ADORA1: variants seen among roughly 807,000 people sequenced by gnomAD.
ADORA1 encodes the protein adenosine receptor A1.
ADORA1 carries 6 observed loss-of-function variants against 19.9 expected under a neutral mutation model. The ratio of observed to expected loss-of-function variants is 0.30; its 90% CI spans 0.17 to 0.59. The LOEUF (loss-of-function observed/expected upper bound fraction) is 0.59. Among genes scored for constraint, ADORA1 ranks in the 20% least tolerant of loss-of-function variants. The probability of loss-of-function intolerance (pLI) is 0.87; values close to 1 mark genes in which losing one functional copy is unlikely to be tolerated. For missense variants in ADORA1, 302 were observed against 439.2 expected, an observed-to-expected ratio of 0.69 and a Z score of 2.79; for synonymous variants, 194 against 188.4, an observed-to-expected ratio of 1.03 and a Z score of -0.24.
At position 203,165,035 on chromosome 1, in the gene ADORA1, C is replaced by T. The variant is rs1252528835; in HGVS notation, c.342-226C>T. 1 of 1,548,188 alleles carries T rather than the reference C, an allele frequency of 6.5e-7. No homozygotes were observed. The highest frequency in any genetic ancestry group is 8.7e-7 in the Non-Finnish European group (1 of 1,145,854). On this transcript the variant is annotated intron_variant, in intron 3 of 3. Coordinates refer to ENST00000337894, the MANE Select transcript of ADORA1 (RefSeq NM_000674.3). This position sits in a 1 kb window ranked among gnomAD's most constrained non-coding sequence, Gnocchi z 5.9. ...TTCTATTATTATTTTTGTCATTAAT[C>T]AGGATTTCCTCTCTCTGTAGGAGAA... is the stretch of plus-strand genomic sequence containing the variant.
intron 3 of ADORA1, among the ~76,000 whole-genome samples, chr1:203,154,780 C>T (rs1353397260): frequency 6.6e-6 from 1 of 152,154 alleles, no homozygotes; most frequent in Non-Finnish European, 1.5e-5. Context: ...CAGGGCAGGG[C>T]CAGGAGAGAA....
chr1:203,129,211 A>G, intron 3 of ADORA1, 29 bp downstream of exon 3: 1 of 1,581,408 alleles, frequency 6.3e-7, no homozygotes, highest in Non-Finnish European at 8.6e-7. Flanking sequence ...AGGTACTCGC[A>G]GCACCACATG....
At chr1:203,154,966 G>A (rs946884019) in intron 3 of ADORA1, among the ~76,000 whole-genome samples, 2 of 151,742 alleles carry the variant, frequency 1.3e-5, no homozygotes, top group African/African-American at 2.4e-5. Flanking sequence ...TGTCTTCGCT[G>A]GTTGGTCCCA....
chr1:203,164,740 T>C (rs903364), intron 3 of ADORA1, among the ~76,000 whole-genome samples: 144,723 of 152,196 alleles, frequency 0.95, 68,991 homozygotes, highest in Non-Finnish European at 0.98. Flanking sequence ...TGTTAATCAC[T>C]TGGGTGTTTC....
intron 3 of ADORA1, among the ~76,000 whole-genome samples, chr1:203,142,710 A>G (rs534935110): frequency 6.6e-6 from 1 of 152,092 alleles, no homozygotes; most frequent in East Asian, 1.9e-4. Flanking sequence ...AAGAGTGTTG[A>G]CATGACTCTG....
chr1:203,157,248 A>G lies in ADORA1; in HGVS notation c.342-8013A>G, dbSNP rs539539269. Among the ~76,000 whole-genome samples, 3 of 152,376 alleles carry G rather than the reference A, an allele frequency of 2.0e-5. No individual in the cohort carries two copies. The South Asian group carries it at 6.2e-4, about 32-fold the overall frequency. ...AGCCTATGAAATCAAAACAAGTTAC[A>G]TGCTTCCAAAATACAATGGTGGGAC... is the stretch of plus-strand genomic sequence containing the variant. On this transcript the variant is annotated intron_variant, in intron 3 of 3. Transcript: ENST00000337894.
At position 203,165,722 on chromosome 1, in the gene ADORA1, TC is replaced by T; in HGVS notation, c.805del (p.Thr270ProfsTer14). 1.2e-6 allele frequency: 2 copies of T among 1,613,228 alleles called. No individual in the cohort carries two copies. Among genetic ancestry groups the T allele is most frequent in the Non-Finnish European group, 1.7e-6 (2 of 1,179,428 alleles). Reference sequence around the variant, plus strand: ...TGCCCGTCCTGCCACAAGCCCAGCATCCTTACCTACATTGCCATCTTCCTCA... The same window carrying T: ...TGCCCGTCCTGCCACAAGCCCAGCATCTTACCTACATTGCCATCTTCCTCA... ...LFCPSCHKPS[I>X]LTYIAIFLTH... On this transcript the variant is annotated frameshift_variant, in exon 4 of 4. Transcript: ENST00000337894. LOFTEE classifies it high-confidence loss of function. This position sits in a 1 kb window ranked among gnomAD's most constrained non-coding sequence, Gnocchi z 5.9.
At position 203,162,281 on chromosome 1, in the gene ADORA1, G is replaced by T. The variant is rs181415458; in HGVS notation, c.342-2980G>T. ...ATAGCAAGAAAAACAGATGAGAGCT[G>T]ATACCCTAAGCTGCAGGGTCTGCTG... On this transcript the variant is annotated intron_variant, in intron 3 of 3. Coordinates refer to ENST00000337894, the MANE Select transcript of ADORA1 (RefSeq NM_000674.3). Among the ~76,000 whole-genome samples, 6 of 152,280 alleles carry T rather than the reference G, an allele frequency of 3.9e-5. No individual in the cohort carries two copies. In the East Asian group the frequency reaches 1.2e-3, roughly 29 times the overall value.
chr1:203,136,796 G>A (rs569641825), intron 3 of ADORA1, among the ~76,000 whole-genome samples: 1 of 152,254 alleles, frequency 6.6e-6, no homozygotes, highest in South Asian at 2.1e-4. Flanking sequence ...CTTTGAGAGA[G>A]AAGGGCAGCT....
At chr1:203,130,404 A>G (rs1473343860) in intron 3 of ADORA1, among the ~76,000 whole-genome samples, 1 of 152,210 alleles carries the variant, frequency 6.6e-6, no homozygotes, top group Non-Finnish European at 1.5e-5. Flanking sequence ...CAGAAGTGTG[A>G]TCTAATTATC....
At chr1:203,134,850 A>G (rs1654455741) in intron 3 of ADORA1, among the ~76,000 whole-genome samples, 1 of 152,262 alleles carries the variant, frequency 6.6e-6, no homozygotes, top group South Asian at 2.1e-4. Context: ...ATCTATATAT[A>G]CATGGTTTTA....
chr1:203,153,931 G>A (rs1037083859), intron 3 of ADORA1, among the ~76,000 whole-genome samples: 1 of 152,142 alleles, frequency 6.6e-6, no homozygotes. Context: ...CGGGAAGGAG[G>A]GGACCAGAGC....
chr1:203,128,958 G>A lies in ADORA1; in HGVS notation c.117G>A (p.Ala39=), dbSNP rs145613118. ...LVIWAVKVNQ[A]LRDATFCFIV... is the part of the protein sequence containing the mutation. The stretch of plus-strand genomic sequence containing the variant: ...TCTGGGCGGTGAAGGTGAACCAGGC[G>A]CTGCGGGATGCCACCTTCTGCTTCA... The change falls in exon 3 of 4, where the codon GCG becomes GCA. Residue 39 remains alanine (A), a synonymous_variant. Coordinates refer to ENST00000337894, the MANE Select transcript of ADORA1 (RefSeq NM_000674.3). The surrounding 1 kb of genome is among the most constrained non-coding windows in gnomAD (Gnocchi z 5.9). The A allele has an allele frequency of 2.9e-4, 462 of 1,614,010 alleles. 1 individual carries two copies. Among genetic ancestry groups the A allele is most frequent in the Non-Finnish European group, 3.8e-4 (445 of 1,180,050 alleles).
rs760866216 is a variant in ADORA1, at chr1:203,129,018, T to G, written c.177T>G (p.Gly59=). The change falls in exon 3 of 4, where the codon GGT becomes GGG. Residue 59 remains glycine (G), a synonymous_variant. Transcript: ENST00000337894. ...TGGCGGTGGCTGATGTGGCCGTGGG[T>G]GCCCTGGTCATCCCCCTCGCCATCC... is the stretch of plus-strand genomic sequence containing the variant. ...VSLAVADVAV[G]ALVIPLAILI... is the part of the protein sequence containing the mutation. The G allele has an allele frequency of 6.2e-7, 1 of 1,614,052 alleles. No homozygotes were observed.
chr1:203,156,315 A>G (rs1655197426), intron 3 of ADORA1, among the ~76,000 whole-genome samples: 2 of 152,198 alleles, frequency 1.3e-5, no homozygotes, highest in South Asian at 2.1e-4. Flanking sequence ...AGACAGTGAT[A>G]GAGACTATTT....
intron 3 of ADORA1, chr1:203,164,951 G>A (rs1655489489): frequency 7.6e-7 from 1 of 1,312,472 alleles, no homozygotes; most frequent in Non-Finnish European, 1.1e-6. Context: ...CTGAGCACAT[G>A]GGAGCAATTT....
In ADORA1 at chr1:203,166,179, A is replaced by C; in HGVS notation, c.*279A>C. The C allele has an allele frequency of 5.7e-6, 2 of 349,914 alleles. No individual in the cohort carries two copies. The highest frequency in any genetic ancestry group is 4.6e-5 in the East Asian group (1 of 21,620). 21.7% of individuals were successfully genotyped at this position (349,914 alleles called of 1,614,324 possible). A position where few individuals can be genotyped will look rare whatever the true frequency, so the allele number is the denominator to read the frequency against. ...GTTCTGAGCCCCCACCTGCCTGACC[A>C]TCCCATGAGCAGTCCAGAGCTTCAG... On this transcript the variant is annotated 3_prime_UTR_variant, in exon 4 of 4. Transcript: ENST00000337894.
chr1:203,155,020 T>TTAG, intron 3 of ADORA1, among the ~76,000 whole-genome samples: 1 of 50,194 alleles, frequency 2.0e-5, no homozygotes, highest in African/African-American at 5.5e-5. Context: ...TTCCTATTTA[T>TTAG]TATTATTATT....
intron 3 of ADORA1, among the ~76,000 whole-genome samples, chr1:203,133,393 G>T (rs1654404876): frequency 6.6e-6 from 1 of 152,156 alleles, no homozygotes; most frequent in African/African-American, 2.4e-5. Flanking sequence ...GGGATTACAG[G>T]CGTGAGCCAC....
Sources: allele counts gnomAD v4.1 joint callset (sites outside exome capture counted in the v4.1 genomes callset), GRCh38; gene constraint gnomAD v4.1.1; non-coding constraint Gnocchi (gnomAD v3.1); transcripts MANE v1.5; gene names NCBI Gene and HGNC (gene_info 2026-07-23, HGNC 2026-07-21).